Variants in DYNC1H1 observed in about 807,000 individuals in gnomAD.
The protein encoded by DYNC1H1 is dynein cytoplasmic 1 heavy chain 1.
In DYNC1H1, 51 loss-of-function variants were observed where a neutral mutation model predicts 527.1. The observed-to-expected ratio is 0.10, with a 90% CI of 0.08 to 0.12. The LOEUF (loss-of-function observed/expected upper bound fraction) is 0.12, where lower values mean the gene tolerates loss of function less well. Ranked by LOEUF, DYNC1H1 falls within the 10% of genes least tolerant of loss-of-function variation. The pLI is 1.00. For missense variants in DYNC1H1, 2,771 were observed against 5,971.8 expected (o/e 0.46, Z 17.66); for synonymous variants, 2,189 against 2,278.8 (o/e 0.96, Z 1.12).
At chr14:101,995,957 G>T (rs1456242409) in intron 15 of DYNC1H1, among the ~76,000 whole-genome samples, 1 of 150,232 alleles carries the variant, frequency 6.7e-6, no homozygotes, top group Non-Finnish European at 1.5e-5. Flanking sequence ...CCAGCTACTC[G>T]GGAGGCTGAG....
intron 28 of DYNC1H1, 50 bp from the exon 29 acceptor site, chr14:102,008,128 A>G (rs1234285120): frequency 2.5e-6 from 4 of 1,610,258 alleles, no homozygotes; most frequent in African/African-American, 1.3e-5. Context: ...AGGGGAGACA[A>G]TTGAGGGCAC....
Position 102,042,268 on chromosome 14 carries a change from C to T in DYNC1H1, c.12255C>T (p.Asn4085=). Residue 4085 remains asparagine (N), a synonymous_variant, in exon 67 of 78, where the codon AAC becomes AAT. Coordinates refer to ENST00000360184, the MANE Select transcript of DYNC1H1 (RefSeq NM_001376.5). The surrounding 1 kb of genome is among the most constrained non-coding windows in gnomAD (Gnocchi z 5.7). The part of the protein sequence containing the change: ...EGFNQADKAI[N]TAVKSGRWVM... The stretch of plus-strand genomic sequence containing the variant: ...TTAACCAAGCAGATAAGGCAATAAA[C>T]ACCGCTGTAAAGTCGGGCAGGTAGG... 1 of 1,614,060 alleles carries T rather than the reference C, an allele frequency of 6.2e-7. No individual in the cohort carries two copies. The highest frequency in any genetic ancestry group is 8.5e-7 in the Non-Finnish European group (1 of 1,180,020).
intron 16 of DYNC1H1, among the ~76,000 whole-genome samples, chr14:101,999,245 T>C (rs899641789): frequency 1.3e-5 from 2 of 152,118 alleles, no homozygotes; most frequent in African/African-American, 4.8e-5. Flanking sequence ...GACATGGTCA[T>C]AGCTCACTGA....
intron 27 of DYNC1H1, among the ~76,000 whole-genome samples, chr14:102,006,705 A>C (rs560449730): frequency 3.8e-4 from 57 of 150,032 alleles, no homozygotes; most frequent in African/African-American, 1.4e-3. Flanking sequence ...GGTTCAAGCG[A>C]TCTCCTGCCT....
At chr14:101,973,215 T>G (rs1305255608) in intron 1 of DYNC1H1, among the ~76,000 whole-genome samples, 1 of 151,560 alleles carries the variant, frequency 6.6e-6, no homozygotes, top group Non-Finnish European at 1.5e-5. Flanking sequence ...TTTTTTTTTT[T>G]GAGATCAATC....
chr14:102,032,762 A>G, intron 52 of DYNC1H1: 1 of 565,910 alleles, frequency 1.8e-6, no homozygotes, highest in Non-Finnish European at 3.1e-6. Flanking sequence ...CTGAGGTGGG[A>G]GGATTGCCTG....
In DYNC1H1 at chr14:102,022,745, C is replaced by A; in HGVS notation, c.8508-6C>A. On this transcript the variant is annotated splice_region_variant and splice_polypyrimidine_tract_variant and intron_variant, in intron 42 of 77. Coordinates refer to ENST00000360184, the MANE Select transcript of DYNC1H1 (RefSeq NM_001376.5). ...TACCTAAATGCACATGCTGCTCTCCCCACAGACTCGTAGAGGATGAGGAGA... is the reference window on the plus strand; with the variant it reads ...TACCTAAATGCACATGCTGCTCTCCACACAGACTCGTAGAGGATGAGGAGA... 1 of 1,614,030 alleles carries A rather than the reference C, an allele frequency of 6.2e-7. No individual in the cohort carries two copies. Among genetic ancestry groups the A allele is most frequent in the African/African-American group, 1.3e-5 (1 of 75,004 alleles).
rs1366263664 is a variant in DYNC1H1 at position 102,048,041 on chromosome 14, G to A, written c.13218+13G>A. 2 of 1,604,018 alleles carry A rather than the reference G, an allele frequency of 1.2e-6. No homozygotes were observed. Among genetic ancestry groups the A allele is most frequent in the Non-Finnish European group, 1.7e-6 (2 of 1,177,894 alleles). On this transcript the variant is annotated intron_variant, in intron 73 of 77. Transcript: ENST00000360184. ...GGAGAATATCAAGGTAGCTGGGAGG[G>A]TGGCGGGCCGGCCAGGTCTCAAGGT...
chr14:101,980,341 T>C (rs1038068493), intron 4 of DYNC1H1, 23 bp from the exon 5 acceptor site: 12 of 1,613,012 alleles, frequency 7.4e-6, no homozygotes, highest in Admixed American at 5.0e-5. Context: ...TGAATACCCT[T>C]GGGTGTTATT....
At chr14:101,987,868 A>G (rs1268459116) in intron 9 of DYNC1H1, among the ~76,000 whole-genome samples, 2 of 152,178 alleles carry the variant, frequency 1.3e-5, no homozygotes, top group Admixed American at 6.5e-5. Flanking sequence ...GCTTGAGCCC[A>G]GAAGTTTGAG....
Position 102,054,120 on chromosome 14 carries a change from C to T in DYNC1H1, c.*3557C>T, listed in dbSNP as rs906306390. On this transcript the variant is annotated 3_prime_UTR_variant, in exon 78 of 78. Coordinates refer to ENST00000360184, the MANE Select transcript of DYNC1H1 (RefSeq NM_001376.5). ...TGAGAGCCCGCCACCACTGGGGACT[C>T]AGCCTGAGCCTTGTTCCCAGAAAGC... The T allele has an allele frequency of 1.3e-5, 2 of 152,274 alleles. No individual in the cohort carries two copies. Among genetic ancestry groups the T allele is most frequent in the African/African-American group, 4.8e-5 (2 of 41,456 alleles). The allele number at this position is 152,274 out of a possible 1,614,324, so 9.4% of individuals were successfully genotyped here.
Position 101,986,623 on chromosome 14 carries a change from A to G in DYNC1H1, c.2398A>G (p.Thr800Ala). 1 of 1,612,844 alleles carries G rather than the reference A, an allele frequency of 6.2e-7. No homozygotes were observed. Among genetic ancestry groups the G allele is most frequent in the Non-Finnish European group, 8.5e-7 (1 of 1,178,902 alleles). ...RTCEKVEERN[T>A]ISLLVAGLKK... ...CTGCGAGAAGGTGGAGGAGCGGAAC[A>G]CCATTTCCCTTTTGGTGGCTGGCTT... Residue 800 changes from threonine to alanine, a missense_variant, in exon 8 of 78, where the codon ACC becomes GCC. Physicochemically the swap from Thr to Ala is moderately conservative, Grantham distance 58. Coordinates refer to ENST00000360184, the MANE Select transcript of DYNC1H1 (RefSeq NM_001376.5). This position sits in a 1 kb window ranked among gnomAD's most constrained non-coding sequence, Gnocchi z 8.7.
At position 102,001,777 on chromosome 14, in the gene DYNC1H1, T is replaced by G; in HGVS notation, c.4542+96T>G. On this transcript the variant is annotated intron_variant, in intron 21 of 77. Coordinates refer to ENST00000360184, the MANE Select transcript of DYNC1H1 (RefSeq NM_001376.5). This position sits in a 1 kb window ranked among gnomAD's most constrained non-coding sequence, Gnocchi z 5.0. Reference sequence around the variant, plus strand: ...TGACAGTTACTAGGTACCTGTTTTTTATTGTATTTTTTGAGACAGGGTCTC... The same window carrying G: ...TGACAGTTACTAGGTACCTGTTTTTGATTGTATTTTTTGAGACAGGGTCTC... The G allele has an allele frequency of 6.4e-7, 1 of 1,552,860 alleles. No individual in the cohort carries two copies. Among genetic ancestry groups the G allele is most frequent in the South Asian group, 1.1e-5 (1 of 87,866 alleles).
Position 102,049,665 on chromosome 14 carries a change from CCCAGG to C in DYNC1H1, c.13516-48_13516-44del, listed in dbSNP as rs759219171. On this transcript the variant is annotated intron_variant, in intron 75 of 77. Coordinates refer to ENST00000360184, the MANE Select transcript of DYNC1H1 (RefSeq NM_001376.5). This position sits in a 1 kb window ranked among gnomAD's most constrained non-coding sequence, Gnocchi z 5.5. Reference sequence around the variant, plus strand: ...AGTGGCTCTGGGGAAAAACACAGGGCCCAGGTCTGACCTGAGCTCCTTCCCCTGGG... The same window carrying C: ...AGTGGCTCTGGGGAAAAACACAGGGCTCTGACCTGAGCTCCTTCCCCTGGG... The C allele has an allele frequency of 6.2e-7, 1 of 1,613,452 alleles. No individual in the cohort carries two copies. Among genetic ancestry groups the C allele is most frequent in the African/African-American group, 1.3e-5 (1 of 74,926 alleles).
chr14:101,984,932 C>CAAAA (rs773102943), intron 7 of DYNC1H1, among the ~76,000 whole-genome samples: 3 of 40,154 alleles, frequency 7.5e-5, no homozygotes, highest in African/African-American at 1.8e-4. Context: ...GGCTCCGTCT[C>CAAAA]AAAAAAAAAA....
At position 102,015,942 on chromosome 14, in the gene DYNC1H1, G is replaced by A. The variant is rs1461600339; in HGVS notation, c.7329G>A (p.Leu2443=). 6 of 1,614,214 alleles carry A rather than the reference G, an allele frequency of 3.7e-6. No individual in the cohort carries two copies. The South Asian group carries it at 6.6e-5, about 18-fold the overall frequency. The change falls in exon 36 of 78, where the codon CTG becomes CTA. Residue 2443 remains leucine, a synonymous_variant. Coordinates refer to ENST00000360184, the MANE Select transcript of DYNC1H1 (RefSeq NM_001376.5). This position sits in a 1 kb window ranked among gnomAD's most constrained non-coding sequence, Gnocchi z 6.9. ...AGGCGCTAGAGCACGCCTTCCAGCT[G>A]GAGCACATCATGGACCTAACACGCC... ...VTKALEHAFQ[L]EHIMDLTRLR...
In DYNC1H1 at chr14:101,978,900, A is replaced by G. The variant is rs1186553912; in HGVS notation, c.345-419A>G. 2.0e-5 allele frequency among the ~76,000 whole-genome samples: 3 copies of G among 152,196 alleles called. No homozygotes were observed. The East Asian group carries it at 5.8e-4, about 29-fold the overall frequency. On this transcript the variant is annotated intron_variant, in intron 2 of 77. Transcript: ENST00000360184. ...GGTGTCTCAGGGTGGGAAAGAGGAT[A>G]CATAGCAGGAGGTGAAACAGGAAAA... is the stretch of plus-strand genomic sequence containing the variant.
At chr14:101,990,656 C>G (rs1460846867) in intron 10 of DYNC1H1, among the ~76,000 whole-genome samples, 2 of 152,172 alleles carry the variant, frequency 1.3e-5, no homozygotes, top group African/African-American at 4.8e-5. Context: ...GGGCAGATCG[C>G]TTGAGCTCTG....
chr14:102,033,581 A>G lies in DYNC1H1; in HGVS notation c.10413+97A>G. On this transcript the variant is annotated intron_variant, in intron 54 of 77. Transcript: ENST00000360184. The surrounding 1 kb of genome is among the most constrained non-coding windows in gnomAD (Gnocchi z 5.6). ...TGCATGCACCATGCTGGCCTCGGTGAATTCGCTCTTTAACATCTGTAAGGC... is the reference window on the plus strand; with the variant it reads ...TGCATGCACCATGCTGGCCTCGGTGGATTCGCTCTTTAACATCTGTAAGGC... 1 of 1,498,324 alleles carries G rather than the reference A, an allele frequency of 6.7e-7. No individual in the cohort carries two copies. Among genetic ancestry groups the G allele is most frequent in the Non-Finnish European group, 9.1e-7 (1 of 1,099,512 alleles). The allele number at this position is 1,498,324 out of a possible 1,614,324, so 92.8% of individuals were successfully genotyped here.
Sources: gnomAD v4.1 joint callset for allele counts (sites outside exome capture counted in the v4.1 genomes callset) on GRCh38, gnomAD v4.1.1 for gene constraint, Gnocchi (gnomAD v3.1) non-coding constraint, MANE v1.5 for transcripts, NCBI Gene and HGNC (gene_info 2026-07-23, HGNC 2026-07-21) for gene names.